INPP4B: variants seen among roughly 807,000 people sequenced by gnomAD.
The protein encoded by INPP4B is inositol polyphosphate 4-phosphatase type II.
In INPP4B, 55 loss-of-function variants were observed where a neutral mutation model predicts 122.5. The ratio of observed to expected loss-of-function variants is 0.45; its 90% confidence interval spans 0.36 to 0.56. The LOEUF is 0.56. Among genes scored for constraint, INPP4B ranks in the 20% least tolerant of loss-of-function variants. The pLI is 0.00. For missense variants in INPP4B, 1,000 were observed against 1,097.7 expected, an observed-to-expected ratio of 0.91 and a Z score of 1.26; for synonymous variants, 403 against 388.7, an observed-to-expected ratio of 1.04 and a Z score of -0.43.
chr4:142,045,958 G>A (rs978566777), intron 25 of INPP4B, among the ~76,000 whole-genome samples: 1 of 151,970 alleles, frequency 6.6e-6, no homozygotes, highest in East Asian at 1.9e-4. Flanking sequence ...TGAAAGCAGC[G>A]AGCGGTGAGG....
rs146834272 is a variant in INPP4B at position 142,311,326 on chromosome 4, C to A, written c.423+3386G>T. 3.3e-5 allele frequency among the ~76,000 whole-genome samples: 5 copies of A among 152,120 alleles called. No homozygotes were observed. The East Asian group carries it at 7.7e-4, about 24-fold the overall frequency. ...TGTTCCTTTTTAGACTTATTCTTACCGTGCTTGAACTTTAGTTCTGAAATC... is the reference window on the plus strand; with the variant it reads ...TGTTCCTTTTTAGACTTATTCTTACAGTGCTTGAACTTTAGTTCTGAAATC... On this transcript the variant is annotated intron_variant, in intron 8 of 25. Coordinates refer to ENST00000262992, the MANE Select transcript of INPP4B (RefSeq NM_001101669.3).
At chr4:142,127,543 C>T (rs567469958) in intron 18 of INPP4B, among the ~76,000 whole-genome samples, 1 of 152,000 alleles carries the variant, frequency 6.6e-6, no homozygotes, top group South Asian at 2.1e-4. Flanking sequence ...AAAAGGAACA[C>T]ACAACATTCT....
chr4:142,251,167 T>C (rs560051152), intron 11 of INPP4B, among the ~76,000 whole-genome samples: 2 of 152,290 alleles, frequency 1.3e-5, no homozygotes, highest in African/African-American at 4.8e-5. Context: ...CTCCTTGAAA[T>C]TTATACTTAA....
At chr4:142,826,496 T>TCACA (rs34633285) in intron 1 of INPP4B, among the ~76,000 whole-genome samples, 155 of 149,064 alleles carry the variant, frequency 1.0e-3, no homozygotes, top group Middle Eastern at 3.5e-3. Flanking sequence ...GTTCATAAAA[T>TCACA]CACACACACA....
At chr4:142,419,224 C>T (rs914286872) in intron 5 of INPP4B, among the ~76,000 whole-genome samples, 1 of 151,922 alleles carries the variant, frequency 6.6e-6, no homozygotes, top group Non-Finnish European at 1.5e-5. Flanking sequence ...CCTAAACAAG[C>T]GAGTGGTGTT....
In INPP4B at chr4:142,229,682, C is replaced by T. The variant is rs186260386; in HGVS notation, c.836+8182G>A. ...TACAAATAGAGATGCCAGAATATCA[C>T]TCAAAAGCCAGATGAAGCTAATGCA... On this transcript the variant is annotated intron_variant, in intron 12 of 25. Transcript: ENST00000262992. Among the ~76,000 whole-genome samples the T allele has an allele frequency of 3.9e-3, 592 of 152,274 alleles. 2 individuals are homozygous for T. Among genetic ancestry groups the T allele is most frequent in the Non-Finnish European group, 4.3e-3 (295 of 68,022 alleles).
intron 25 of INPP4B, among the ~76,000 whole-genome samples, chr4:142,044,962 C>A (rs984088006): frequency 6.6e-6 from 1 of 152,134 alleles, no homozygotes; most frequent in Non-Finnish European, 1.5e-5. Context: ...TTAGAAAATT[C>A]ACTTTTCCAT....
chr4:142,467,286 C>T (rs939426906), intron 2 of INPP4B, among the ~76,000 whole-genome samples: 7 of 152,196 alleles, frequency 4.6e-5, no homozygotes, highest in East Asian at 1.9e-4. Context: ...GTGTGGACTG[C>T]GCCCACAGAA....
At chr4:142,266,268 A>G (rs1742761877) in intron 10 of INPP4B, among the ~76,000 whole-genome samples, 1 of 152,144 alleles carries the variant, frequency 6.6e-6, no homozygotes, top group African/African-American at 2.4e-5. Context: ...CAAACTCAAG[A>G]AAGTCTGCTC....
chr4:142,183,568 A>ACTTT (rs5862577), intron 15 of INPP4B, among the ~76,000 whole-genome samples: 149,800 of 152,198 alleles, frequency 0.98, 73,736 homozygotes, highest in East Asian at 1. Context: ...TTTATAGATG[A>ACTTT]CTTTTCTGCT....
intron 11 of INPP4B, among the ~76,000 whole-genome samples, chr4:142,244,642 G>A (rs1010981475): frequency 6.6e-6 from 1 of 151,986 alleles, no homozygotes; most frequent in Non-Finnish European, 1.5e-5. Flanking sequence ...TCGGCATTTG[G>A]GTTGATTCCA....
chr4:142,715,596 G>C (rs1763662116), intron 2 of INPP4B, among the ~76,000 whole-genome samples: 2 of 152,182 alleles, frequency 1.3e-5, no homozygotes, highest in East Asian at 1.9e-4. Flanking sequence ...AAAGTGTGTA[G>C]AAATAAAGGC....
rs762195338 is a variant in INPP4B, at chr4:142,431,195, T to C, written c.65A>G (p.Asn22Ser). The C allele has an allele frequency of 8.1e-6, 13 of 1,613,160 alleles. No individual in the cohort carries two copies. Among genetic ancestry groups the C allele is most frequent in the East Asian group, 2.2e-5 (1 of 44,868 alleles). The change falls in exon 4 of 26, where the codon AAT (asparagine) becomes AGT (serine). Residue 22 changes from asparagine (N) to serine (S), a missense_variant. Transcript: ENST00000262992. ...GQHFLPTAQA[N>S]DPGDCQFTSI... is the part of the protein sequence containing the mutation. ...TGTGAACTGACAGTCCCCGGGATCA[T>C]TGGCCTGGGCTGTAGGAAGAAAGTG...
intron 7 of INPP4B, among the ~76,000 whole-genome samples, chr4:142,376,948 T>C (rs976082721): frequency 6.6e-6 from 1 of 152,078 alleles, no homozygotes; most frequent in Admixed American, 6.6e-5. Context: ...CTATTTTATG[T>C]AATGTCACAA....
intron 11 of INPP4B, among the ~76,000 whole-genome samples, chr4:142,244,143 C>G (rs539134064): frequency 1.3e-5 from 2 of 150,888 alleles, no homozygotes; most frequent in Non-Finnish European, 2.9e-5. Context: ...CTCCCACTTA[C>G]GAGTGAGAAC....
intron 2 of INPP4B, among the ~76,000 whole-genome samples, chr4:142,491,159 G>A (rs766118718): frequency 1.3e-5 from 2 of 152,004 alleles, no homozygotes; most frequent in Non-Finnish European, 2.9e-5. Context: ...TACAATGGCT[G>A]TGTTATAATA....
intron 14 of INPP4B, among the ~76,000 whole-genome samples, chr4:142,206,045 G>A (rs1842462177): frequency 6.6e-6 from 1 of 151,982 alleles, no homozygotes; most frequent in Admixed American, 6.6e-5. Context: ...TAAGATCAAG[G>A]CGCTGGTATC....
At chr4:142,762,738 G>A (rs1036590732) in intron 1 of INPP4B, among the ~76,000 whole-genome samples, 2 of 152,148 alleles carry the variant, frequency 1.3e-5, no homozygotes, top group Admixed American at 1.3e-4. Context: ...ATGTGAACAG[G>A]AAGAAACCAT....
intron 9 of INPP4B, among the ~76,000 whole-genome samples, chr4:142,277,028 G>T (rs1439327290): frequency 6.6e-6 from 1 of 151,908 alleles, no homozygotes; most frequent in Non-Finnish European, 1.5e-5. Context: ...CATTCTTCCA[G>T]GAGTTAGGTG....
Sources: allele counts gnomAD v4.1 joint callset (sites outside exome capture counted in the v4.1 genomes callset), GRCh38; gene constraint gnomAD v4.1.1; transcripts MANE v1.5; gene names NCBI Gene and HGNC (gene_info 2026-07-23, HGNC 2026-07-21).